The following LHFPL2 variants were observed in gnomAD, a reference collection of about 807,000 sequenced individuals.
The protein encoded by LHFPL2 is LHFPL tetraspan subfamily member 2, also known as LHFPL tetraspan subfamily member 2 protein.
In LHFPL2, 7 loss-of-function variants were observed where a neutral mutation model predicts 17.5. The observed-to-expected ratio is 0.40, with a 90% CI of 0.23 to 0.75. The LOEUF (loss-of-function observed/expected upper bound fraction) is 0.75. Among genes scored for constraint, LHFPL2 ranks in the 30% least tolerant of loss-of-function variants. The pLI, the probability that LHFPL2 is intolerant of heterozygous loss-of-function variation, is 0.37. For missense variants in LHFPL2, 241 were observed against 294.8 expected, an observed-to-expected ratio of 0.82 and a Z score of 1.34; for synonymous variants, 134 against 116.2, an observed-to-expected ratio of 1.15 and a Z score of -0.99.
At chr5:78,645,635 T>C (rs1055309791) in intron 1 of LHFPL2, among the ~76,000 whole-genome samples, 8 of 149,830 alleles carry the variant, frequency 5.3e-5, no homozygotes, top group African/African-American at 1.7e-4. Flanking sequence ...CAGACTGGAG[T>C]GCAATGGTGC....
At chr5:78,489,462 G>A (rs1390989579) in intron 4 of LHFPL2, among the ~76,000 whole-genome samples, 1 of 152,188 alleles carries the variant, frequency 6.6e-6, no homozygotes, top group South Asian at 2.1e-4. Flanking sequence ...CAGGAGTGCA[G>A]TGGTGCAGTT....
chr5:78,559,849 G>T (rs1204355157), intron 3 of LHFPL2, among the ~76,000 whole-genome samples: 1 of 152,134 alleles, frequency 6.6e-6, no homozygotes, highest in Non-Finnish European at 1.5e-5. Context: ...GCAAGGAAAA[G>T]CCACCTTTCT....
intron 4 of LHFPL2, among the ~76,000 whole-genome samples, chr5:78,504,835 A>C (rs996871877): frequency 1.3e-5 from 2 of 152,340 alleles, no homozygotes; most frequent in African/African-American, 4.8e-5. Flanking sequence ...GTTCAGCCCC[A>C]GGGCAATCTA....
intron 3 of LHFPL2, among the ~76,000 whole-genome samples, chr5:78,534,398 C>T (rs1447923019): frequency 6.6e-6 from 1 of 152,186 alleles, no homozygotes; most frequent in Non-Finnish European, 1.5e-5. Context: ...ACTGCTCTTC[C>T]AGGGCCGTAG....
intron 3 of LHFPL2, among the ~76,000 whole-genome samples, chr5:78,550,360 C>T (rs1756404909): frequency 6.6e-6 from 1 of 152,150 alleles, no homozygotes; most frequent in Non-Finnish European, 1.5e-5. Flanking sequence ...GGAGGGCAAA[C>T]TCAAACCAAG....
intron 2 of LHFPL2, among the ~76,000 whole-genome samples, chr5:78,573,358 G>C (rs1039865488): frequency 6.6e-6 from 1 of 152,180 alleles, no homozygotes; most frequent in African/African-American, 2.4e-5. Flanking sequence ...TTTTAAGATA[G>C]GAAAAAATAC....
chr5:78,636,228 A>C (rs1158185125), intron 1 of LHFPL2, among the ~76,000 whole-genome samples: 1 of 152,242 alleles, frequency 6.6e-6, no homozygotes, highest in Non-Finnish European at 1.5e-5. Flanking sequence ...GAAGCATTCT[A>C]TTAAGTTATT....
At chr5:78,608,661 G>C (rs868408193) in intron 2 of LHFPL2, among the ~76,000 whole-genome samples, 1 of 151,952 alleles carries the variant, frequency 6.6e-6, no homozygotes, top group Non-Finnish European at 1.5e-5. Context: ...GGCTGGGCAC[G>C]GTGGCTCACG....
chr5:78,622,673 TC>T, intron 2 of LHFPL2, among the ~76,000 whole-genome samples: 1 of 152,358 alleles, frequency 6.6e-6, no homozygotes, highest in African/African-American at 2.4e-5. Context: ...GACAAGTCTC[TC>T]TAATGTTTCT....
chr5:78,608,765 T>C (rs1355458114), intron 2 of LHFPL2, among the ~76,000 whole-genome samples: 1 of 151,894 alleles, frequency 6.6e-6, no homozygotes, highest in Non-Finnish European at 1.5e-5. Flanking sequence ...ACCCCATCTC[T>C]ACAAAAAATA....
chr5:78,574,881 G>A (rs559746232), intron 2 of LHFPL2, among the ~76,000 whole-genome samples: 2 of 152,326 alleles, frequency 1.3e-5, no homozygotes, highest in Admixed American at 1.3e-4. Context: ...CTTGCTGAGC[G>A]TCACCAAACA....
chr5:78,514,917 T>G (rs758569122), intron 3 of LHFPL2, among the ~76,000 whole-genome samples: 1 of 152,188 alleles, frequency 6.6e-6, no homozygotes, highest in African/African-American at 2.4e-5. Flanking sequence ...GATTCAACAT[T>G]TGTTAACATT....
chr5:78,500,720 A>G (rs1398907903), intron 4 of LHFPL2, among the ~76,000 whole-genome samples: 2 of 152,166 alleles, frequency 1.3e-5, no homozygotes, highest in Non-Finnish European at 2.9e-5. Context: ...TTGCCCAATA[A>G]TGATCACTTT....
In LHFPL2 at chr5:78,570,622, C is replaced by T. The variant is rs141429884; in HGVS notation, c.-244-5751G>A. ...GCTTTTAACCTTGAATATATATATA[C>T]GTATATATATAGTATATATATATAT... is the stretch of plus-strand genomic sequence containing the variant. On this transcript the variant is annotated intron_variant, in intron 2 of 4. Transcript: ENST00000380345. Among the ~76,000 whole-genome samples, 442 of 146,032 alleles carry T rather than the reference C, an allele frequency of 3.0e-3. 4 individuals carry two copies. The highest frequency in any genetic ancestry group is 0.011 in the African/African-American group (419 of 39,242).
At chr5:78,640,267 C>G (rs1745620729) in intron 1 of LHFPL2, among the ~76,000 whole-genome samples, 2 of 152,094 alleles carry the variant, frequency 1.3e-5, no homozygotes, top group Admixed American at 6.5e-5. Flanking sequence ...TATTTCAGTA[C>G]TTCTTATCAA....
intron 2 of LHFPL2, among the ~76,000 whole-genome samples, chr5:78,631,756 C>A (rs976301009): frequency 1.3e-5 from 2 of 151,982 alleles, no homozygotes; most frequent in East Asian, 3.9e-4. Flanking sequence ...GCCAATATGG[C>A]GAAACCTTGT....
chr5:78,540,476 C>T (rs1244533696), intron 3 of LHFPL2, among the ~76,000 whole-genome samples: 1 of 152,236 alleles, frequency 6.6e-6, no homozygotes, highest in Non-Finnish European at 1.5e-5. Flanking sequence ...AGATCCTGGC[C>T]TCAGCCATCC....
Position 78,541,331 on chromosome 5 carries a change from C to T in LHFPL2, c.-186+23482G>A, listed in dbSNP as rs559870920. On this transcript the variant is annotated intron_variant, in intron 3 of 4. Transcript: ENST00000380345. The stretch of plus-strand genomic sequence containing the variant: ...GTAGTCACTGACAGCAAAATAGGAA[C>T]TCACTGACCAAGGCCCCATGGTCTT... 2.6e-5 allele frequency among the ~76,000 whole-genome samples: 4 copies of T among 152,326 alleles called. No homozygotes were observed. The South Asian group carries it at 8.3e-4, about 32-fold the overall frequency.
At chr5:78,596,992 AAAGT>A (rs1292193362) in intron 2 of LHFPL2, among the ~76,000 whole-genome samples, 3 of 152,250 alleles carry the variant, frequency 2.0e-5, no homozygotes, top group Non-Finnish European at 2.9e-5. Context: ...ACTAAACTGC[AAAGT>A]AATATTTAAC....
Sources: gnomAD v4.1 joint callset for allele counts (sites outside exome capture counted in the v4.1 genomes callset) on GRCh38, gnomAD v4.1.1 for gene constraint, MANE v1.5 for transcripts, NCBI Gene and HGNC (gene_info 2026-07-23, HGNC 2026-07-21) for gene names.